Variants in GALNT13 observed in about 807,000 individuals in gnomAD.
GALNT13 encodes polypeptide N-acetylgalactosaminyltransferase 13, also known as UDP-GalNAc:polypeptide N-acetylgalactosaminyltransferase 13.
In GALNT13, 28 loss-of-function variants were observed where a neutral mutation model predicts 64.2. That is an observed-to-expected ratio of 0.44 (90% CI 0.32 to 0.60). The LOEUF (loss-of-function observed/expected upper bound fraction) is 0.60. Ranked by LOEUF, GALNT13 falls within the 20% of genes least tolerant of loss-of-function variation. The pLI is 0.05. For missense variants in GALNT13, 577 were observed against 669.8 expected (o/e 0.86, Z 1.53); for synonymous variants, 214 against 224.6 (o/e 0.95, Z 0.42).
chr2:154,428,479 T>A (rs1404118698), intron 11 of GALNT13, among the ~76,000 whole-genome samples: 2 of 152,336 alleles, frequency 1.3e-5, no homozygotes, highest in Non-Finnish European at 2.9e-5. Context: ...ACATTTTGAA[T>A]TCAAATATAT....
chr2:153,291,575 C>T, the GALNT13 span, among the ~76,000 whole-genome samples: 4 of 152,050 alleles, frequency 2.6e-5, no homozygotes, highest in African/African-American at 9.7e-5. Context: ...CATGCTGGGC[C>T]AGGGGTTACC....
At chr2:153,105,571 G>A in the GALNT13 span, among the ~76,000 whole-genome samples, 80 of 152,130 alleles carry the variant, frequency 5.3e-4, no homozygotes, top group Non-Finnish European at 7.6e-4. Flanking sequence ...TAGGAAAAGA[G>A]GAAGTCAAAT....
the GALNT13 span, among the ~76,000 whole-genome samples, chr2:153,635,671 G>A: frequency 1.3e-5 from 2 of 151,928 alleles, no homozygotes; most frequent in Non-Finnish European, 1.5e-5. Flanking sequence ...CTTTGGATAC[G>A]GAAAGGTCAG....
At chr2:154,247,799 A>G (rs943712282) in intron 7 of GALNT13, among the ~76,000 whole-genome samples, 1 of 152,080 alleles carries the variant, frequency 6.6e-6, no homozygotes, top group Non-Finnish European at 1.5e-5. Context: ...ATTTTCTAAC[A>G]TGCTGAGGAA....
chr2:153,987,934 G>C (rs1694906190), intron 3 of GALNT13, among the ~76,000 whole-genome samples: 1 of 151,820 alleles, frequency 6.6e-6, no homozygotes, highest in Admixed American at 6.6e-5. Flanking sequence ...TATTCCTACA[G>C]TTAGGATTAA....
At chr2:153,548,721 A>T in the GALNT13 span, among the ~76,000 whole-genome samples, 2 of 152,200 alleles carry the variant, frequency 1.3e-5, no homozygotes, top group African/African-American at 4.8e-5. Flanking sequence ...CATGCACATC[A>T]TGAGAAATCC....
chr2:153,895,529 C>A (rs1030906294), intron 1 of GALNT13, among the ~76,000 whole-genome samples: 11 of 151,998 alleles, frequency 7.2e-5, no homozygotes, highest in African/African-American at 2.2e-4. Flanking sequence ...ATGTAGAATA[C>A]CTAGAGTGCA....
At chr2:154,235,860 G>T (rs1418766179) in intron 4 of GALNT13, among the ~76,000 whole-genome samples, 1 of 152,070 alleles carries the variant, frequency 6.6e-6, no homozygotes, top group East Asian at 1.9e-4. Context: ...GGTTTTGAAA[G>T]GATAAAATCA....
chr2:153,490,755 T>A, the GALNT13 span, among the ~76,000 whole-genome samples: 2 of 151,998 alleles, frequency 1.3e-5, no homozygotes, highest in African/African-American at 4.8e-5. Flanking sequence ...AGGTCAGAAG[T>A]TCAAGACCAG....
chr2:153,741,885 T>G, the GALNT13 span, among the ~76,000 whole-genome samples: 5 of 152,110 alleles, frequency 3.3e-5, no homozygotes, highest in Non-Finnish European at 5.9e-5. Flanking sequence ...ATTTCAAGGG[T>G]ACAAAGTGAT....
intron 2 of GALNT13, among the ~76,000 whole-genome samples, chr2:153,937,967 T>A (rs528934818): frequency 1.3e-5 from 2 of 152,312 alleles, no homozygotes; most frequent in East Asian, 3.9e-4. Context: ...TAGACATATG[T>A]AATTATTGTC....
intron 4 of GALNT13, among the ~76,000 whole-genome samples, chr2:154,169,887 T>TAG (rs966602558): frequency 1.3e-5 from 2 of 151,274 alleles, no homozygotes; most frequent in East Asian, 2.0e-4. Context: ...CTCTTTCCCT[T>TAG]AGAGAGAGAG....
chr2:153,426,336 G>T, the GALNT13 span, among the ~76,000 whole-genome samples: 1 of 151,616 alleles, frequency 6.6e-6, no homozygotes, highest in Non-Finnish European at 1.5e-5. Context: ...ATCAAGCAGA[G>T]GGCACTAATT....
the GALNT13 span, among the ~76,000 whole-genome samples, chr2:153,602,935 G>A: frequency 6.6e-6 from 1 of 151,726 alleles, no homozygotes; most frequent in African/African-American, 2.4e-5. Context: ...ATACAAGATG[G>A]GTCTCAATTC....
the GALNT13 span, among the ~76,000 whole-genome samples, chr2:153,664,019 C>T: frequency 6.6e-6 from 1 of 152,222 alleles, no homozygotes; most frequent in Non-Finnish European, 1.5e-5. Context: ...ATAAAGATCA[C>T]AAGGCAAAAT....
chr2:153,380,254 G>A, the GALNT13 span, among the ~76,000 whole-genome samples: 1 of 152,098 alleles, frequency 6.6e-6, no homozygotes, highest in Non-Finnish European at 1.5e-5. Flanking sequence ...TACACTCTAA[G>A]AACTATTTAC....
At chr2:153,765,944 C>G in the GALNT13 span, among the ~76,000 whole-genome samples, 8 of 152,158 alleles carry the variant, frequency 5.3e-5, no homozygotes, top group African/African-American at 1.9e-4. Context: ...TTACCTTCTG[C>G]CATAATTGTG....
the GALNT13 span, among the ~76,000 whole-genome samples, chr2:153,645,277 C>A: frequency 6.6e-6 from 1 of 152,080 alleles, no homozygotes; most frequent in Non-Finnish European, 1.5e-5. Flanking sequence ...ATTTAACGAC[C>A]TTTTAAATGT....
At chr2:153,991,604 T>C (rs184764999) in intron 3 of GALNT13, among the ~76,000 whole-genome samples, 1 of 152,216 alleles carries the variant, frequency 6.6e-6, no homozygotes, top group Admixed American at 6.6e-5. Context: ...AGAATGAACT[T>C]AGTGTAGGTA....
Sources: gnomAD v4.1 joint callset for allele counts (sites outside exome capture counted in the v4.1 genomes callset) on GRCh38, gnomAD v4.1.1 for gene constraint, MANE v1.5 for transcripts, NCBI Gene and HGNC (gene_info 2026-07-23, HGNC 2026-07-21) for gene names.